CHRM3: variants seen among roughly 807,000 people sequenced by gnomAD.
CHRM3 encodes muscarinic acetylcholine receptor M3.
CHRM3 carries 11 observed loss-of-function variants against 41.8 expected under a neutral mutation model. The observed-to-expected ratio is 0.26, with a 90% CI of 0.17 to 0.44. The LOEUF is 0.44. CHRM3 is among the 20% of genes least tolerant of loss of function. The probability of loss-of-function intolerance (pLI) is 1.00; values close to 1 mark genes in which losing one functional copy is unlikely to be tolerated. For missense variants in CHRM3, 571 were observed against 745.4 expected, an observed-to-expected ratio of 0.77 and a Z score of 2.72; for synonymous variants, 297 against 301.4, an observed-to-expected ratio of 0.99 and a Z score of 0.15.
At chr1:239,647,163 C>T (rs533977940) in intron 4 of CHRM3, among the ~76,000 whole-genome samples, 11 of 152,290 alleles carry the variant, frequency 7.2e-5, no homozygotes, top group African/African-American at 2.4e-4. Context: ...GTCTCACCTA[C>T]CTTCTCTTCC....
At chr1:239,876,286 A>G (rs522190) in intron 6 of CHRM3, among the ~76,000 whole-genome samples, 146,801 of 152,156 alleles carry the variant, frequency 0.96, 71,079 homozygotes, top group Middle Eastern at 1. Context: ...GTTTCTGAAT[A>G]TTAAATTATT....
chr1:239,903,312 A>T (rs1406044135), intron 6 of CHRM3, among the ~76,000 whole-genome samples: 2 of 152,244 alleles, frequency 1.3e-5, no homozygotes, highest in Admixed American at 1.3e-4. Flanking sequence ...AATGTATACA[A>T]ACATAATGTG....
intron 2 of CHRM3, among the ~76,000 whole-genome samples, chr1:239,543,155 G>A (rs776595922): frequency 1.3e-5 from 2 of 152,150 alleles, no homozygotes; most frequent in African/African-American, 2.4e-5. Flanking sequence ...CAGAGCCCTG[G>A]ATATTCCCTT....
At chr1:239,902,767 T>C (rs747635409) in intron 6 of CHRM3, among the ~76,000 whole-genome samples, 11 of 152,220 alleles carry the variant, frequency 7.2e-5, no homozygotes, top group Non-Finnish European at 1.2e-4. Flanking sequence ...TTATTGACTA[T>C]TAACTCGTTA....
intron 5 of CHRM3, among the ~76,000 whole-genome samples, chr1:239,797,867 G>C (rs1048805180): frequency 1.4e-4 from 22 of 152,070 alleles, no homozygotes; most frequent in Non-Finnish European, 2.8e-4. Flanking sequence ...GGCCAACATA[G>C]TGAGGCCCTG....
At chr1:239,840,831 G>A (rs1042534863) in intron 6 of CHRM3, among the ~76,000 whole-genome samples, 5 of 152,198 alleles carry the variant, frequency 3.3e-5, no homozygotes, top group African/African-American at 1.2e-4. Context: ...GCTTCAGTTT[G>A]TAGAATGGTA....
chr1:239,772,808 C>T lies in CHRM3; in HGVS notation c.-146-54444C>T, dbSNP rs115806249. 6.4e-3 allele frequency among the ~76,000 whole-genome samples: 979 copies of T among 152,304 alleles called. 9 individuals carry two copies. Among genetic ancestry groups the T allele is most frequent in the Non-Finnish European group, 8.2e-3 (560 of 68,030 alleles). The stretch of plus-strand genomic sequence containing the variant: ...CAAGCTCTTACCCATACCTCACTGC[C>T]GCAGCCAGATATCCCTCCTCTCTCA... On this transcript the variant is annotated intron_variant, in intron 5 of 6. Coordinates refer to ENST00000676153, the MANE Select transcript of CHRM3 (RefSeq NM_001375978.1).
In CHRM3 at chr1:239,627,866, A is replaced by G. The variant is rs1174780981; in HGVS notation, c.-312-4358A>G. Among the ~76,000 whole-genome samples the G allele has an allele frequency of 2.6e-5, 4 of 151,164 alleles. No individual in the cohort carries two copies. The East Asian group carries it at 7.8e-4, about 29-fold the overall frequency. The stretch of plus-strand genomic sequence containing the variant: ...TCTGGCTTGTAAGGTTTCTGCCGAG[A>G]GATCCGCTGTTAGTCTGATGGGCTT... On this transcript the variant is annotated intron_variant, in intron 3 of 6. Transcript: ENST00000676153.
chr1:239,748,203 C>G lies in CHRM3; in HGVS notation c.-147+69915C>G, dbSNP rs1335294102. On this transcript the variant is annotated intron_variant, in intron 5 of 6. Coordinates refer to ENST00000676153, the MANE Select transcript of CHRM3 (RefSeq NM_001375978.1). This position sits in a 1 kb window ranked among gnomAD's most constrained non-coding sequence, Gnocchi z 4.3. ...CTTAAGAAGAAAGTGTATACACACC[C>G]GTTATCTGCACTAATTGAAGATGTA... is the stretch of plus-strand genomic sequence containing the variant. 1.3e-5 allele frequency among the ~76,000 whole-genome samples: 2 copies of G among 152,186 alleles called. No individual in the cohort carries two copies. The highest frequency in any genetic ancestry group is 2.9e-5 in the Non-Finnish European group (2 of 68,036).
intron 3 of CHRM3, among the ~76,000 whole-genome samples, chr1:239,630,516 G>C (rs934754959): frequency 6.6e-6 from 1 of 152,164 alleles, no homozygotes; most frequent in African/African-American, 2.4e-5. Context: ...TGAATTGTAT[G>C]CTCATCAGCA....
In CHRM3 at chr1:239,859,475, G is replaced by A. The variant is rs1675424507; in HGVS notation, c.-20+32097G>A. 2.0e-5 allele frequency among the ~76,000 whole-genome samples: 3 copies of A among 149,456 alleles called. No individual in the cohort carries two copies. The South Asian group carries it at 6.3e-4, about 31-fold the overall frequency. On this transcript the variant is annotated intron_variant, in intron 6 of 6. Transcript: ENST00000676153. Reference sequence around the variant, plus strand: ...GAGTCTCACTCTGTTGCCCAGGCTGGAGTGCAGTGGCACAATTTCTGCTCA... The same window carrying A: ...GAGTCTCACTCTGTTGCCCAGGCTGAAGTGCAGTGGCACAATTTCTGCTCA...
intron 6 of CHRM3, among the ~76,000 whole-genome samples, chr1:239,835,689 A>C (rs1673256255): frequency 6.6e-6 from 1 of 152,236 alleles, no homozygotes; most frequent in Non-Finnish European, 1.5e-5. Context: ...TTAGAATAGA[A>C]GACATCCGAG....
chr1:239,440,860 A>C (rs994357791), intron 1 of CHRM3, among the ~76,000 whole-genome samples: 1 of 152,184 alleles, frequency 6.6e-6, no homozygotes, highest in African/African-American at 2.4e-5. Context: ...GAAACCTGCA[A>C]TATTAGCCTA....
At chr1:239,617,311 T>C (rs1667740446) in intron 3 of CHRM3, among the ~76,000 whole-genome samples, 1 of 152,082 alleles carries the variant, frequency 6.6e-6, no homozygotes, top group East Asian at 1.9e-4. Context: ...CTAGGAAATG[T>C]TGTAACCGTC....
chr1:239,400,757 G>A (rs191233952), intron 1 of CHRM3, among the ~76,000 whole-genome samples: 1 of 152,238 alleles, frequency 6.6e-6, no homozygotes, highest in Non-Finnish European at 1.5e-5. Flanking sequence ...TCAGTTGACC[G>A]TAAATACAAA....
chr1:239,727,566 G>A (rs914932785), intron 5 of CHRM3: 4 of 151,840 alleles, frequency 2.6e-5, no homozygotes, highest in African/African-American at 9.7e-5. Flanking sequence ...TGCCTCCACA[G>A]ATCAGCAAGG....
chr1:239,807,843 C>T (rs903109047), intron 5 of CHRM3, among the ~76,000 whole-genome samples: 259 of 149,598 alleles, frequency 1.7e-3, no homozygotes, highest in Middle Eastern at 3.5e-3. Flanking sequence ...CACACACACA[C>T]ACATACACAC....
At chr1:239,724,497 C>G (rs1033692969) in intron 5 of CHRM3, among the ~76,000 whole-genome samples, 4 of 151,966 alleles carry the variant, frequency 2.6e-5, no homozygotes, top group Non-Finnish European at 4.4e-5. Flanking sequence ...TAACCTCACT[C>G]TATTTCCCTT....
At chr1:239,657,784 A>C (rs1232934494) in intron 4 of CHRM3, among the ~76,000 whole-genome samples, 1 of 152,224 alleles carries the variant, frequency 6.6e-6, no homozygotes, top group Non-Finnish European at 1.5e-5. Flanking sequence ...TTTATGACTT[A>C]GCAAAATTAC....
Sources: allele counts gnomAD v4.1 joint callset (sites outside exome capture counted in the v4.1 genomes callset), GRCh38; gene constraint gnomAD v4.1.1; non-coding constraint Gnocchi (gnomAD v3.1); transcripts MANE v1.5; gene names NCBI Gene and HGNC (gene_info 2026-07-23, HGNC 2026-07-21).